Variants in CEP85 observed in about 807,000 individuals in gnomAD.
CEP85 encodes centrosomal protein 85.
A neutral mutation model predicts 93.7 loss-of-function variants in CEP85; 58 were observed. The observed-to-expected ratio is 0.62, with a 90% CI of 0.50 to 0.77. CEP85 has a LOEUF of 0.77. CEP85 is among the 30% of genes least tolerant of loss of function. CEP85 has a pLI of 0.00. For missense variants in CEP85, 868 were observed against 922.0 expected, an observed-to-expected ratio of 0.94 and a Z score of 0.76; for synonymous variants, 314 against 338.6, an observed-to-expected ratio of 0.93 and a Z score of 0.80.
At position 26,278,804 on chromosome 1, in the gene CEP85, C is replaced by T. The variant is rs993494790; in HGVS notation, c.*1511C>T. 6 of 152,264 alleles carry T rather than the reference C, an allele frequency of 3.9e-5. No homozygotes were observed. The highest frequency in any genetic ancestry group is 1.4e-4 in the African/African-American group (6 of 41,454). The allele number at this position is 152,264 out of a possible 1,614,324, so 9.4% of individuals were successfully genotyped here. A position where few individuals can be genotyped will look rare whatever the true frequency, so the allele number is the denominator to read the frequency against. Reference sequence around the variant, plus strand: ...TTGATTATAAAATAAAGTATCTTAACAGACTCCTCAGTTTTCCATACCCTT... The same window carrying T: ...TTGATTATAAAATAAAGTATCTTAATAGACTCCTCAGTTTTCCATACCCTT... On this transcript the variant is annotated 3_prime_UTR_variant, in exon 14 of 14. Transcript: ENST00000451429.
intron 2 of CEP85, among the ~76,000 whole-genome samples, chr1:26,242,123 A>G (rs1487047711): frequency 2.6e-5 from 4 of 152,224 alleles, no homozygotes; most frequent in Non-Finnish European, 4.4e-5. Context: ...ATACCAAAAT[A>G]TATTTTTAAC....
chr1:26,257,453 GA>G (rs2089724772), intron 4 of CEP85, 143 bp from the exon 5 acceptor site: 4 of 918,284 alleles, frequency 4.4e-6, no homozygotes, highest in Non-Finnish European at 4.9e-6. Flanking sequence ...TCATGCCTCA[GA>G]GCTAAAATTA....
chr1:26,249,523 C>A (rs182781322), intron 3 of CEP85, among the ~76,000 whole-genome samples: 1 of 152,340 alleles, frequency 6.6e-6, no homozygotes, highest in Admixed American at 6.5e-5. Flanking sequence ...CCCTTCTTCA[C>A]TAAGGTGTTT....
chr1:26,265,631 C>T (rs1426585409), intron 7 of CEP85, among the ~76,000 whole-genome samples: 1 of 152,138 alleles, frequency 6.6e-6, no homozygotes, highest in Non-Finnish European at 1.5e-5. Context: ...TTGATACTTG[C>T]CTCCATAGTG....
chr1:26,263,455 C>T, intron 7 of CEP85: 1 of 157,188 alleles, frequency 6.4e-6, no homozygotes, highest in Non-Finnish European at 1.4e-5. Flanking sequence ...AGCAAAGGAG[C>T]AGGATGGCAG....
chr1:26,257,670 G>A lies in CEP85; in HGVS notation c.977G>A (p.Trp326Ter). Residue 326 changes from tryptophan (W) to a stop codon, truncating the protein, a stop_gained, in exon 5 of 14, where the codon TGG becomes TAG. Transcript: ENST00000451429. LOFTEE classifies it high-confidence loss of function. ...CTGCCCATCTTAGAGCCAGCACAGT[G>A]GATCAGCATCTTGAACAGTAATGAA... ...PSLPILEPAQ[W>*]ISILNSNEHL... The A allele has an allele frequency of 6.2e-7, 1 of 1,614,166 alleles. No homozygotes were observed. Among genetic ancestry groups the A allele is most frequent in the Non-Finnish European group, 8.5e-7 (1 of 1,180,014 alleles).
At chr1:26,269,897 C>T (rs2089949104) in intron 9 of CEP85, among the ~76,000 whole-genome samples, 2 of 149,126 alleles carry the variant, frequency 1.3e-5, no homozygotes, top group Admixed American at 1.4e-4. Context: ...CACCATTCTC[C>T]TGCCTCAGCC....
Position 26,259,793 on chromosome 1 carries a change from G to A in CEP85, c.1332G>A (p.Gln444=). The change falls in exon 7 of 14, where the codon CAG becomes CAA. Residue 444 remains glutamine (Q), a synonymous_variant. Coordinates refer to ENST00000451429, the MANE Select transcript of CEP85 (RefSeq NM_001319944.2). ...AGCATTCTGAGGAAGTGAAGAAACAGGAAGAAAGGGTGAGCTGAGTAGCTG... is the reference window on the plus strand; with the variant it reads ...AGCATTCTGAGGAAGTGAAGAAACAAGAAGAAAGGGTGAGCTGAGTAGCTG... ...LQKHSEEVKK[Q]EERVKGRDKH... 6.2e-7 allele frequency: 1 copy of A among 1,611,138 alleles called. No individual in the cohort carries two copies. The highest frequency in any genetic ancestry group is 1.1e-5 in the South Asian group (1 of 90,570).
chr1:26,274,922 T>C (rs2090030831), intron 11 of CEP85, 42 bp from the exon 12 acceptor site: 1 of 1,487,282 alleles, frequency 6.7e-7, no homozygotes, highest in Non-Finnish European at 9.2e-7. Flanking sequence ...CCAGACTTGT[T>C]ACCCCTACTG....
intron 3 of CEP85, among the ~76,000 whole-genome samples, chr1:26,252,392 C>T (rs906555616): frequency 1.3e-5 from 2 of 151,468 alleles, no homozygotes; most frequent in Admixed American, 1.3e-4. Flanking sequence ...ATTAGCCGGG[C>T]GTGGTGGAGC....
chr1:26,255,960 G>A lies in CEP85; in HGVS notation c.903+95G>A. 4.7e-6 allele frequency: 5 copies of A among 1,072,214 alleles called. No homozygotes were observed. The South Asian group carries it at 5.1e-5, about 11-fold the overall frequency. 66.4% of individuals were successfully genotyped at this position (1,072,214 alleles called of 1,614,324 possible). On this transcript the variant is annotated intron_variant, in intron 4 of 13. Coordinates refer to ENST00000451429, the MANE Select transcript of CEP85 (RefSeq NM_001319944.2). ...TTTGAATTTTGGCTTAAAGAAAATA[G>A]CTGTAAAAAGAAGGAAGATGTTTGT...
rs774849686 is a variant in CEP85 at position 26,269,617 on chromosome 1, A to G, written c.1649+3A>G. On this transcript the variant is annotated splice_donor_region_variant and intron_variant, in intron 9 of 13. Coordinates refer to ENST00000451429, the MANE Select transcript of CEP85 (RefSeq NM_001319944.2). The stretch of plus-strand genomic sequence containing the variant: ...GAATTCTCCTCCGCTGGACATAGGT[A>G]AATAACCCTGTGGGACTGAGAGGAG... 2.5e-6 allele frequency: 4 copies of G among 1,612,072 alleles called. No homozygotes were observed. In the African/African-American group the frequency reaches 5.3e-5, roughly 22 times the overall value.
At chr1:26,238,370 T>C (rs1037600515) in intron 1 of CEP85, among the ~76,000 whole-genome samples, 8 of 151,892 alleles carry the variant, frequency 5.3e-5, no homozygotes, top group African/African-American at 1.7e-4. Context: ...CTGGCTAATT[T>C]TTGTATTTTT....
At chr1:26,235,798 C>A (rs1427071907) in intron 1 of CEP85, among the ~76,000 whole-genome samples, 1 of 152,056 alleles carries the variant, frequency 6.6e-6, no homozygotes, top group Non-Finnish European at 1.5e-5. Context: ...TCTCAAACTC[C>A]CGACCTCAGG....
chr1:26,276,381 G>A (rs1308053411), intron 12 of CEP85, among the ~76,000 whole-genome samples, 154 bp from the exon 13 acceptor site: 1 of 152,184 alleles, frequency 6.6e-6, no homozygotes, highest in African/African-American at 2.4e-5. Flanking sequence ...CTGATAGTGG[G>A]AGAAGTGCTA....
At chr1:26,259,942 T>C (rs1044539725) in intron 7 of CEP85, 140 bp downstream of exon 7, 2 of 654,470 alleles carry the variant, frequency 3.1e-6, no homozygotes, top group African/African-American at 1.8e-5. Flanking sequence ...CACAGAATCG[T>C]CACAGATCTC....
intron 7 of CEP85, chr1:26,263,516 A>C (rs1426553584): frequency 6.4e-6 from 1 of 155,396 alleles, no homozygotes; most frequent in Non-Finnish European, 1.4e-5. Flanking sequence ...AAAGCTACAA[A>C]AAATTTTTAA....
At chr1:26,234,703 A>G (rs2089297404) in intron 1 of CEP85, among the ~76,000 whole-genome samples, 1 of 152,184 alleles carries the variant, frequency 6.6e-6, no homozygotes, top group Non-Finnish European at 1.5e-5. Flanking sequence ...AAAGAGCGCA[A>G]AACAGAAGGC....
intron 4 of CEP85, among the ~76,000 whole-genome samples, chr1:26,256,463 G>A (rs909907803): frequency 5.9e-5 from 9 of 151,942 alleles, no homozygotes; most frequent in Non-Finnish European, 1.0e-4. Flanking sequence ...CCTGGGAGGC[G>A]GAGGTTGCAG....
Sources: gnomAD v4.1 joint callset for allele counts (sites outside exome capture counted in the v4.1 genomes callset) on GRCh38, gnomAD v4.1.1 for gene constraint, MANE v1.5 for transcripts, NCBI Gene and HGNC (gene_info 2026-07-23, HGNC 2026-07-21) for gene names.